LRTM2: variants seen among roughly 807,000 people sequenced by gnomAD.
The protein encoded by LRTM2 is leucine rich repeat transmembrane protein 2.
A neutral mutation model predicts 28.1 loss-of-function variants in LRTM2; 18 were observed. The ratio of observed to expected loss-of-function variants is 0.64; its 90% CI spans 0.44 to 0.95. The LOEUF (loss-of-function observed/expected upper bound fraction) is 0.95, where lower values mean the gene tolerates loss of function less well. Among genes scored for constraint, LRTM2 ranks in the 40% least tolerant of loss-of-function variants. LRTM2 has a pLI of 0.00. For missense variants in LRTM2, 436 were observed against 497.2 expected (o/e 0.88, Z 1.17); for synonymous variants, 250 against 218.7 (o/e 1.14, Z -1.26).
In LRTM2 at chr12:1,828,204, G is replaced by A. The variant is rs1438879512; in HGVS notation, c.56G>A (p.Arg19Lys). 6.5e-7 allele frequency: 1 copy of A among 1,546,694 alleles called. No individual in the cohort carries two copies. The highest frequency in any genetic ancestry group is 2.0e-5 in the Admixed American group (1 of 50,614). ...AGGGGCAGGCTCGCCCTGCAGTGGA[G>A]GCAAGTCTCCTGTGAGTACACCCCT... is the stretch of plus-strand genomic sequence containing the variant. ...GQRGRLALQW[R>K]QVSWITCWIA... Residue 19 changes from arginine to lysine, a missense_variant, in exon 3 of 5, where the codon AGG becomes AAG. Transcript: ENST00000299194. The surrounding 1 kb of genome is among the most constrained non-coding windows in gnomAD (Gnocchi z 4.2).
intron 2 of LRTM2, 189 bp downstream of exon 2, chr12:1,827,783 C>G (rs1434633379): frequency 4.0e-6 from 1 of 247,124 alleles, no homozygotes; most frequent in Non-Finnish European, 7.7e-6. Context: ...GATCAACATA[C>G]TCGGGAGGCA....
chr12:1,825,749 G>A (rs187676071), intron 1 of LRTM2, among the ~76,000 whole-genome samples: 13 of 152,336 alleles, frequency 8.5e-5, no homozygotes, highest in South Asian at 4.1e-4. Context: ...CTGTGCACAC[G>A]TAAGTATCTC....
At chr12:1,825,981 T>C (rs375593198) in intron 1 of LRTM2, among the ~76,000 whole-genome samples, 1 of 152,176 alleles carries the variant, frequency 6.6e-6, no homozygotes, top group East Asian at 1.9e-4. Context: ...ACAGAGAGCG[T>C]GCACGCTGCT....
Position 1,834,873 on chromosome 12 carries a change from C to T in LRTM2, c.*152C>T. The T allele has an allele frequency of 7.2e-7, 1 of 1,398,532 alleles. No individual in the cohort carries two copies. 86.6% of individuals were successfully genotyped at this position (1,398,532 alleles called of 1,614,324 possible). On this transcript the variant is annotated 3_prime_UTR_variant, in exon 5 of 5. Transcript: ENST00000299194. This position sits in a 1 kb window ranked among gnomAD's most constrained non-coding sequence, Gnocchi z 7.6. ...GCAGACAAGCCACACCGGGTTCTCT[C>T]CCTGCACTTTCGAGGCTCCCTGAAA...
chr12:1,831,181 A>C lies in LRTM2; in HGVS notation c.314A>C (p.Asp105Ala), dbSNP rs1314477576. The C allele has an allele frequency of 1.9e-6, 3 of 1,613,764 alleles. No individual in the cohort carries two copies. The highest frequency in any genetic ancestry group is 2.5e-6 in the Non-Finnish European group (3 of 1,180,028). Residue 105 changes from aspartate to alanine, a missense_variant, in exon 4 of 5, where the codon GAC becomes GCC. Transcript: ENST00000299194. ...QRLDLSNNFL[D>A]RLPRSIFGDL... ...TTGGACCTGTCCAACAACTTCCTGGACCGGCTGCCCCGCTCCATTTTCGGG... is the reference window on the plus strand; with the variant it reads ...TTGGACCTGTCCAACAACTTCCTGGCCCGGCTGCCCCGCTCCATTTTCGGG...
intron 1 of LRTM2, among the ~76,000 whole-genome samples, chr12:1,826,619 G>A (rs115753068): frequency 0.021 from 3,171 of 152,306 alleles, 101 homozygotes; most frequent in African/African-American, 0.072. Flanking sequence ...CGGGGCCTTC[G>A]GCAGACTGGC....
rs201492115 is a variant in LRTM2, at chr12:1,830,987, T to C, written c.120T>C (p.Pro40=). 1 of 1,613,774 alleles carries C rather than the reference T, an allele frequency of 6.2e-7. No individual in the cohort carries two copies. Among genetic ancestry groups the C allele is most frequent in the African/African-American group, 1.3e-5 (1 of 74,926 alleles). The change falls in exon 4 of 5, where the codon CCT becomes CCC. Residue 40 remains proline (P), a synonymous_variant. Transcript: ENST00000299194. The part of the protein sequence containing the change: ...LYAVEALPTC[P]FSCKCDSRSL... The stretch of plus-strand genomic sequence containing the variant: ...CTGTGGAGGCCCTCCCCACCTGCCC[T>C]TTCTCCTGCAAGTGTGACAGCCGCA...
At position 1,828,229 on chromosome 12, in the gene LRTM2, T is replaced by C. The variant is rs781183447; in HGVS notation, c.67+14T>C. 69 of 1,489,908 alleles carry C rather than the reference T, an allele frequency of 4.6e-5. 1 individual carries two copies. In the South Asian group the frequency reaches 6.7e-4, roughly 15 times the overall value. The allele number at this position is 1,489,908 out of a possible 1,614,324, so 92.3% of individuals were successfully genotyped here. On this transcript the variant is annotated intron_variant, in intron 3 of 4. Coordinates refer to ENST00000299194, the MANE Select transcript of LRTM2 (RefSeq NM_001039029.3). The surrounding 1 kb of genome is among the most constrained non-coding windows in gnomAD (Gnocchi z 4.2). Reference sequence around the variant, plus strand: ...GGCAAGTCTCCTGTGAGTACACCCCTGGCCTCGGAGGGGGGTGCGGGTTGG... The same window carrying C: ...GGCAAGTCTCCTGTGAGTACACCCCCGGCCTCGGAGGGGGGTGCGGGTTGG...
chr12:1,824,956 AG>A (rs1239860321), intron 1 of LRTM2, among the ~76,000 whole-genome samples: 2 of 152,248 alleles, frequency 1.3e-5, no homozygotes, highest in Non-Finnish European at 2.9e-5. Context: ...CAAGGGACCC[AG>A]GGAGGCAGGA....
At position 1,831,004 on chromosome 12, in the gene LRTM2, A is replaced by C. The variant is rs1282633719; in HGVS notation, c.137A>C (p.Asp46Ala). ...ACCTGCCCTTTCTCCTGCAAGTGTG[A>C]CAGCCGCAGCCTGGAGGTGGACTGC... ...LPTCPFSCKCDSRSLEVDCSG... is the reference protein window; with the variant it reads ...LPTCPFSCKCASRSLEVDCSG... Residue 46 changes from aspartate (D) to alanine (A), a missense_variant, in exon 4 of 5, where the codon GAC (aspartate) becomes GCC (alanine). Physicochemically the swap from Asp to Ala is moderately radical, Grantham distance 126. Transcript: ENST00000299194. 1 of 1,614,014 alleles carries C rather than the reference A, an allele frequency of 6.2e-7. No individual in the cohort carries two copies.
In LRTM2 at chr12:1,834,228, G is replaced by A. The variant is rs1864751368; in HGVS notation, c.659-39G>A. On this transcript the variant is annotated intron_variant, in intron 4 of 4. Transcript: ENST00000299194. The surrounding 1 kb of genome is among the most constrained non-coding windows in gnomAD (Gnocchi z 7.6). ...ATGGGGAGAGGGAGTGCAAGTTCTA[G>A]ATGCCTGGTCAGCCCCTCTTTTTCT... 2 of 1,519,252 alleles carry A rather than the reference G, an allele frequency of 1.3e-6. No homozygotes were observed. The highest frequency in any genetic ancestry group is 1.8e-6 in the Non-Finnish European group (2 of 1,133,658). The allele number at this position is 1,519,252 out of a possible 1,614,324, so 94.1% of individuals were successfully genotyped here.
intron 1 of LRTM2, 57 bp from the exon 2 acceptor site, chr12:1,827,353 T>G (rs533802249): frequency 2.0e-5 from 3 of 153,058 alleles, no homozygotes; most frequent in East Asian, 3.9e-4. Context: ...CCTGGCTGCC[T>G]CAGCGCCCCT....
intron 1 of LRTM2, among the ~76,000 whole-genome samples, chr12:1,822,468 C>T (rs1864144614): frequency 6.9e-6 from 1 of 145,918 alleles, no homozygotes. Context: ...GAGCCCAGCC[C>T]CAGGGACACC....
chr12:1,827,827 G>C (rs1864410589), intron 2 of LRTM2: 2 of 333,440 alleles, frequency 6.0e-6, no homozygotes, highest in Admixed American at 9.7e-5. Flanking sequence ...TAGGCCCATG[G>C]GTGCACCCCC....
At chr12:1,822,305 A>G (rs982264655) in intron 1 of LRTM2, among the ~76,000 whole-genome samples, 10 of 151,536 alleles carry the variant, frequency 6.6e-5, no homozygotes, top group Non-Finnish European at 1.3e-4. Flanking sequence ...AGGAAGGAGG[A>G]GGGGATGGCA....
intron 3 of LRTM2, among the ~76,000 whole-genome samples, chr12:1,830,506 A>T (rs1047412240): frequency 6.6e-6 from 1 of 152,218 alleles, no homozygotes; most frequent in Non-Finnish European, 1.5e-5. Context: ...GGGAGAGGGC[A>T]TGGGAGCAGG....
In LRTM2 at chr12:1,828,010, C is replaced by T. The variant is rs933160675; in HGVS notation, c.-73-66C>T. 1.7e-5 allele frequency: 11 copies of T among 654,080 alleles called. No individual in the cohort carries two copies. Among genetic ancestry groups the T allele is most frequent in the South Asian group, 5.1e-5 (2 of 39,528 alleles). The allele number at this position is 654,080 out of a possible 1,614,324, so 40.5% of individuals were successfully genotyped here. A position where few individuals can be genotyped will look rare whatever the true frequency, so the allele number is the denominator to read the frequency against. ...GTGTAAAGAGACACCCGGGCCCTCT[C>T]CCTAACCCCTGGGCTGGAACGGGGC... On this transcript the variant is annotated intron_variant, in intron 2 of 4. Coordinates refer to ENST00000299194, the MANE Select transcript of LRTM2 (RefSeq NM_001039029.3). This position sits in a 1 kb window ranked among gnomAD's most constrained non-coding sequence, Gnocchi z 4.2.
Position 1,828,929 on chromosome 12 carries a change from C to T in LRTM2, c.67+714C>T, listed in dbSNP as rs1276183198. ...ACCAGGTCAGCAAGGGCTGGTCTGCCCAAGGCTACACGGTGGCAGGGAGGA... is the reference window on the plus strand; with the variant it reads ...ACCAGGTCAGCAAGGGCTGGTCTGCTCAAGGCTACACGGTGGCAGGGAGGA... On this transcript the variant is annotated intron_variant, in intron 3 of 4. Coordinates refer to ENST00000299194, the MANE Select transcript of LRTM2 (RefSeq NM_001039029.3). This position sits in a 1 kb window ranked among gnomAD's most constrained non-coding sequence, Gnocchi z 4.2. 1.3e-5 allele frequency among the ~76,000 whole-genome samples: 2 copies of T among 152,190 alleles called. No individual in the cohort carries two copies. Among genetic ancestry groups the T allele is most frequent in the East Asian group, 3.9e-4 (2 of 5,186 alleles).
chr12:1,826,611 G>A (rs1864339288), intron 1 of LRTM2, among the ~76,000 whole-genome samples: 1 of 152,212 alleles, frequency 6.6e-6, no homozygotes, highest in Non-Finnish European at 1.5e-5. Flanking sequence ...AACGCCTGCG[G>A]GGCCTTCGGC....
Sources: allele counts gnomAD v4.1 joint callset (sites outside exome capture counted in the v4.1 genomes callset), GRCh38; gene constraint gnomAD v4.1.1; non-coding constraint Gnocchi (gnomAD v3.1); transcripts MANE v1.5; gene names NCBI Gene and HGNC (gene_info 2026-07-23, HGNC 2026-07-21).